The following ATOSA variants were observed in gnomAD, a reference collection of about 807,000 sequenced individuals.
ATOSA encodes the protein atos homolog protein A.
chr15:52,618,007 A>G, the ATOSA span, among the ~76,000 whole-genome samples: 1 of 150,082 alleles, frequency 6.7e-6, no homozygotes, highest in Non-Finnish European at 1.5e-5. Flanking sequence ...CGTGTACCAA[A>G]GCCTGGCTAA....
the ATOSA span, chr15:52,582,365 G>A: frequency 1.4e-6 from 2 of 1,405,412 alleles, no homozygotes; most frequent in Non-Finnish European, 9.4e-7. Context: ...AAAGAAACTA[G>A]AATAATTAAA....
the ATOSA span, among the ~76,000 whole-genome samples, chr15:52,668,875 T>C: frequency 1.4e-5 from 2 of 144,802 alleles, no homozygotes; most frequent in African/African-American, 2.6e-5. Flanking sequence ...TGGATGTTAA[T>C]TGTAGTATTT....
At chr15:52,609,404 G>A in the ATOSA span, 31 of 1,613,744 alleles carry the variant, frequency 1.9e-5, no homozygotes, top group Middle Eastern at 1.6e-4. Flanking sequence ...GACTGCCGGG[G>A]GATATGTGAT....
chr15:52,678,485 A>G, the ATOSA span: 4 of 163,510 alleles, frequency 2.4e-5, no homozygotes, highest in African/African-American at 9.6e-5. Flanking sequence ...GCTGGTATGG[A>G]AATTCTTCCA....
chr15:52,622,950 C>T, the ATOSA span, among the ~76,000 whole-genome samples: 3 of 148,330 alleles, frequency 2.0e-5, no homozygotes, highest in African/African-American at 7.5e-5. Flanking sequence ...CAGTGAGACA[C>T]TGTCCCTATT....
At chr15:52,605,043 T>G in the ATOSA span, 1 of 883,410 alleles carries the variant, frequency 1.1e-6, no homozygotes. Flanking sequence ...GATATTTAAA[T>G]TTTTTTCAAT....
chr15:52,686,533 A>G, the ATOSA span, among the ~76,000 whole-genome samples: 1 of 152,226 alleles, frequency 6.6e-6, no homozygotes, highest in Non-Finnish European at 1.5e-5. Context: ...CAAATGGGAA[A>G]ACTCATAATT....
chr15:52,590,177 G>C, the ATOSA span, among the ~76,000 whole-genome samples: 2 of 152,172 alleles, frequency 1.3e-5, no homozygotes, highest in African/African-American at 4.8e-5. Context: ...TTATGGAATA[G>C]GGAATATGCA....
At chr15:52,677,236 C>G in the ATOSA span, among the ~76,000 whole-genome samples, 1 of 152,140 alleles carries the variant, frequency 6.6e-6, no homozygotes. Flanking sequence ...CAGCCCCCTA[C>G]CAAATAAAAT....
At chr15:52,609,148 T>C in the ATOSA span, 1 of 1,613,594 alleles carries the variant, frequency 6.2e-7, no homozygotes, top group Admixed American at 1.7e-5. Flanking sequence ...TTCACTAGGA[T>C]TGTTCTGACA....
chr15:52,684,709 TTTTC>T, the ATOSA span, among the ~76,000 whole-genome samples: 8 of 152,116 alleles, frequency 5.3e-5, no homozygotes, highest in East Asian at 1.9e-4. Flanking sequence ...ACAGATCAGG[TTTTC>T]TTTCTTTCTT....
chr15:52,583,605 T>C, the ATOSA span, among the ~76,000 whole-genome samples: 1 of 152,136 alleles, frequency 6.6e-6, no homozygotes, highest in Non-Finnish European at 1.5e-5. Flanking sequence ...AGGCTGGTCT[T>C]GAGCTCCTGA....
the ATOSA span, among the ~76,000 whole-genome samples, chr15:52,626,355 T>C: frequency 1.3e-5 from 2 of 152,160 alleles, no homozygotes; most frequent in African/African-American, 4.8e-5. Context: ...CTTGGAAACA[T>C]TATCCTTATA....
At chr15:52,599,070 AC>A in the ATOSA span, among the ~76,000 whole-genome samples, 11 of 151,988 alleles carry the variant, frequency 7.2e-5, no homozygotes, top group South Asian at 2.1e-4. Context: ...AGCCAATTAA[AC>A]CTCTTTTCTT....
At chr15:52,677,941 T>G in the ATOSA span, 2 of 1,596,104 alleles carry the variant, frequency 1.3e-6, no homozygotes, top group African/African-American at 2.7e-5. Context: ...AGGTTAACAC[T>G]TCTAAATTGA....
At chr15:52,618,597 TC>T in the ATOSA span, among the ~76,000 whole-genome samples, 1 of 152,114 alleles carries the variant, frequency 6.6e-6, no homozygotes, top group Non-Finnish European at 1.5e-5. Flanking sequence ...TCTACAAAGC[TC>T]CTAGCAGGGA....
the ATOSA span, among the ~76,000 whole-genome samples, chr15:52,666,291 G>C: frequency 6.6e-6 from 1 of 152,178 alleles, no homozygotes; most frequent in Admixed American, 6.6e-5. Context: ...ATTAGCAAGA[G>C]ACATTTCCAA....
the ATOSA span, among the ~76,000 whole-genome samples, chr15:52,639,755 T>C: frequency 1.3e-5 from 2 of 152,142 alleles, no homozygotes; most frequent in Non-Finnish European, 2.9e-5. Flanking sequence ...CTGTGGTGAA[T>C]ATTTATTTTT....
At chr15:52,645,130 C>T in the ATOSA span, among the ~76,000 whole-genome samples, 2 of 152,242 alleles carry the variant, frequency 1.3e-5, no homozygotes, top group South Asian at 2.1e-4. Flanking sequence ...CACAGATAAG[C>T]CTAATTCATG....
Sources: gnomAD v4.1 joint callset for allele counts (sites outside exome capture counted in the v4.1 genomes callset) on GRCh38, gnomAD v4.1.1 for gene constraint, MANE v1.5 for transcripts, NCBI Gene and HGNC (gene_info 2026-07-23, HGNC 2026-07-21) for gene names.